NRXN3: variants seen among roughly 807,000 people sequenced by gnomAD.
The protein encoded by NRXN3 is neurexin 3, also known as neurexin III.
A neutral mutation model predicts 137.6 loss-of-function variants in NRXN3; 32 were observed. That is an observed-to-expected ratio of 0.23 (90% CI 0.18 to 0.31). The LOEUF (loss-of-function observed/expected upper bound fraction) is 0.31. Ranked by LOEUF, NRXN3 falls within the 10% of genes least tolerant of loss-of-function variation. The probability of loss-of-function intolerance (pLI) is 1.00; values close to 1 mark genes in which losing one functional copy is unlikely to be tolerated. For synonymous variants in NRXN3, 798 were observed against 784.5 expected (o/e 1.02, Z -0.29); for missense variants, 1,574 against 2,062.5 (o/e 0.76, Z 4.59).
chr14:78,859,622 G>T (rs2152520861), intron 10 of NRXN3, among the ~76,000 whole-genome samples: 1 of 152,120 alleles, frequency 6.6e-6, no homozygotes, highest in Non-Finnish European at 1.5e-5. Flanking sequence ...ACTCTTTGTT[G>T]ATCTAATTAT....
intron 15 of NRXN3, among the ~76,000 whole-genome samples, chr14:79,412,379 G>T (rs1025429662): frequency 4.6e-5 from 7 of 152,082 alleles, no homozygotes; most frequent in African/African-American, 1.7e-4. Context: ...TAGTTTTAAA[G>T]AATGCTATGG....
chr14:79,213,624 T>A (rs931359695), intron 15 of NRXN3, among the ~76,000 whole-genome samples: 3 of 148,238 alleles, frequency 2.0e-5, no homozygotes, highest in African/African-American at 7.5e-5. Flanking sequence ...CCCTTTTTTT[T>A]TGGGGGGGGG....
intron 15 of NRXN3, among the ~76,000 whole-genome samples, chr14:79,373,600 T>C (rs1004774345): frequency 1.3e-5 from 2 of 152,218 alleles, no homozygotes; most frequent in Non-Finnish European, 2.9e-5. Context: ...TTCAATAATA[T>C]ACGGTTCAGT....
chr14:79,851,539 T>C (rs1242820339), intron 20 of NRXN3, among the ~76,000 whole-genome samples: 1 of 152,112 alleles, frequency 6.6e-6, no homozygotes, highest in African/African-American at 2.4e-5. Context: ...CGGGCAAAAG[T>C]TGGACTCATC....
intron 10 of NRXN3, among the ~76,000 whole-genome samples, chr14:78,894,729 TA>T (rs2099168558): frequency 1.3e-5 from 2 of 151,880 alleles, no homozygotes; most frequent in African/African-American, 4.8e-5. Flanking sequence ...GTGTATTTTT[TA>T]AATAATAAGA....
At chr14:79,224,353 A>T (rs1443488800) in intron 15 of NRXN3, among the ~76,000 whole-genome samples, 1 of 152,202 alleles carries the variant, frequency 6.6e-6, no homozygotes, top group Non-Finnish European at 1.5e-5. Context: ...TGAAGCACAG[A>T]TGAGGTAAGT....
chr14:78,815,941 A>G (rs2098931543), intron 10 of NRXN3, among the ~76,000 whole-genome samples: 1 of 152,202 alleles, frequency 6.6e-6, no homozygotes, highest in South Asian at 2.1e-4. Context: ...TGGAAAAGCA[A>G]GAGCCTATGT....
intron 20 of NRXN3, among the ~76,000 whole-genome samples, chr14:79,814,244 G>A (rs920410750): frequency 1.3e-5 from 2 of 152,154 alleles, no homozygotes; most frequent in African/African-American, 2.4e-5. Context: ...TCTTTTCTTG[G>A]CACAGCAGTC....
intron 4 of NRXN3, among the ~76,000 whole-genome samples, chr14:78,322,252 G>C (rs997371711): frequency 2.6e-5 from 4 of 151,988 alleles, no homozygotes; most frequent in South Asian, 2.1e-4. Flanking sequence ...ATATGTAATT[G>C]GGAAAGCCAC....
At chr14:79,590,416 T>TA (rs11419735) in intron 16 of NRXN3, among the ~76,000 whole-genome samples, 36,300 of 92,190 alleles carry the variant, frequency 0.39, 7,439 homozygotes, top group Admixed American at 0.44. Flanking sequence ...TTTCTTTTGT[T>TA]AAAAAAAAAA....
intron 15 of NRXN3, among the ~76,000 whole-genome samples, chr14:79,073,880 TG>T (rs149690556): frequency 0.012 from 1,783 of 152,284 alleles, 30 homozygotes; most frequent in African/African-American, 0.037. Context: ...ACTGGCTGAG[TG>T]ACCTTGGACA....
chr14:79,652,908 A>G (rs1038794611), intron 16 of NRXN3, among the ~76,000 whole-genome samples: 6 of 151,968 alleles, frequency 3.9e-5, no homozygotes, highest in Non-Finnish European at 8.8e-5. Context: ...GGTTGGGGGT[A>G]AGTAAGGACC....
chr14:79,118,208 T>G (rs550287782), intron 15 of NRXN3, among the ~76,000 whole-genome samples: 1 of 150,872 alleles, frequency 6.6e-6, no homozygotes, highest in Non-Finnish European at 1.5e-5. Flanking sequence ...CATGCCCTTA[T>G]CTATGATTGT....
chr14:79,603,584 C>A (rs170249), intron 16 of NRXN3, among the ~76,000 whole-genome samples: 12,693 of 152,076 alleles, frequency 0.083, 747 homozygotes, highest in East Asian at 0.18. Flanking sequence ...TTATTCTAAT[C>A]GGAGCTTGTT....
At chr14:78,501,881 G>T (rs574912555) in intron 4 of NRXN3, among the ~76,000 whole-genome samples, 1 of 152,222 alleles carries the variant, frequency 6.6e-6, no homozygotes, top group South Asian at 2.1e-4. Context: ...ATTAAATCTG[G>T]AAAGGACATT....
At chr14:79,752,412 T>C (rs1159131312) in intron 19 of NRXN3, among the ~76,000 whole-genome samples, 13 of 152,054 alleles carry the variant, frequency 8.5e-5, no homozygotes, top group African/African-American at 2.2e-4. Flanking sequence ...GAAATAACGC[T>C]GCATATCTAC....
intron 4 of NRXN3, among the ~76,000 whole-genome samples, chr14:78,438,537 CA>C (rs59364557): frequency 0.022 from 3,291 of 152,140 alleles, 120 homozygotes; most frequent in African/African-American, 0.075. Flanking sequence ...AATAACTGCC[CA>C]ATCACACAGC....
chr14:78,403,956 C>T, intron 4 of NRXN3: 1 of 883,396 alleles, frequency 1.1e-6, no homozygotes, highest in Non-Finnish European at 1.4e-6. Flanking sequence ...ATTTGCCTTA[C>T]ATTGGATGTA....
At chr14:78,181,261 C>T (rs78421174) in intron 1 of NRXN3, among the ~76,000 whole-genome samples, 2,808 of 152,306 alleles carry the variant, frequency 0.018, 42 homozygotes, top group South Asian at 0.059. Flanking sequence ...CTGCAGGCCC[C>T]ACCTATAGAC....
Sources: gnomAD v4.1 joint callset for allele counts (sites outside exome capture counted in the v4.1 genomes callset) on GRCh38, gnomAD v4.1.1 for gene constraint, MANE v1.5 for transcripts, NCBI Gene and HGNC (gene_info 2026-07-23, HGNC 2026-07-21) for gene names.